The following DTL variants were observed in gnomAD, a reference collection of about 807,000 sequenced individuals.
The protein encoded by DTL is denticleless protein homolog.
A neutral mutation model predicts 87.0 loss-of-function variants in DTL; 46 were observed. The ratio of observed to expected loss-of-function variants is 0.53; its 90% CI spans 0.42 to 0.68. The LOEUF (loss-of-function observed/expected upper bound fraction) is 0.68, where lower values mean the gene tolerates loss of function less well. Among genes scored for constraint, DTL ranks in the 30% least tolerant of loss-of-function variants. The pLI is 0.00. For missense variants in DTL, 737 were observed against 869.4 expected, an observed-to-expected ratio of 0.85 and a Z score of 1.91; for synonymous variants, 308 against 311.2, an observed-to-expected ratio of 0.99 and a Z score of 0.11.
chr1:212,090,991 T>G (rs1655264619), intron 13 of DTL, among the ~76,000 whole-genome samples: 1 of 152,216 alleles, frequency 6.6e-6, no homozygotes, highest in Non-Finnish European at 1.5e-5. Context: ...ACAGTTTATA[T>G]AAGAATGCTA....
intron 1 of DTL, among the ~76,000 whole-genome samples, chr1:212,036,524 CT>C (rs1273805081): frequency 1.3e-5 from 2 of 152,182 alleles, no homozygotes; most frequent in African/African-American, 4.8e-5. Flanking sequence ...GAGATGACCC[CT>C]GTTAATAGAT....
At chr1:212,088,174 G>A (rs528811087) in intron 13 of DTL, among the ~76,000 whole-genome samples, 2 of 152,154 alleles carry the variant, frequency 1.3e-5, no homozygotes, top group African/African-American at 4.8e-5. Context: ...AGAACCTCTG[G>A]TTTAGGCATT....
chr1:212,036,889 A>G (rs1022532713), intron 1 of DTL, among the ~76,000 whole-genome samples: 2 of 152,216 alleles, frequency 1.3e-5, no homozygotes, highest in Non-Finnish European at 2.9e-5. Context: ...GGGAATTTTT[A>G]TATTCAGCGA....
intron 11 of DTL, among the ~76,000 whole-genome samples, chr1:212,076,196 G>C (rs1011183425): frequency 6.6e-6 from 1 of 152,032 alleles, no homozygotes; most frequent in East Asian, 1.9e-4. Flanking sequence ...GTTTAACATA[G>C]GTTTTTAATT....
rs555244498 is a variant in DTL at position 212,051,872 on chromosome 1, C to T, written c.460+4455C>T. The T allele has an allele frequency of 6.8e-5, 58 of 850,004 alleles. 1 individual carries two copies. Among genetic ancestry groups the T allele is most frequent in the African/African-American group, 3.9e-4 (23 of 59,546 alleles). 52.7% of individuals were successfully genotyped at this position (850,004 alleles called of 1,614,324 possible). A position where few individuals can be genotyped will look rare whatever the true frequency, so the allele number is the denominator to read the frequency against. On this transcript the variant is annotated intron_variant, in intron 5 of 14. Transcript: ENST00000366991. ...GGGGCATTCCTTTTTGAACAGTACC[C>T]GTTCCCTTGATGTCTACAATATCAC...
rs563971681 is a variant in DTL at position 212,052,156 on chromosome 1, T to G, written c.460+4739T>G. The G allele has an allele frequency of 2.0e-4, 130 of 636,764 alleles. No homozygotes were observed. In the South Asian group the frequency reaches 2.4e-3, roughly 12 times the overall value. 39.4% of individuals were successfully genotyped at this position (636,764 alleles called of 1,614,324 possible). ...GAACTCTGTGGTTGTTAAAATCATT[T>G]CCCTGTATATAATATGCTGTTTTTC... On this transcript the variant is annotated intron_variant, in intron 5 of 14. Coordinates refer to ENST00000366991, the MANE Select transcript of DTL (RefSeq NM_016448.4).
intron 11 of DTL, chr1:212,077,536 A>G (rs1009091370): frequency 6.5e-6 from 1 of 152,872 alleles, no homozygotes; most frequent in Admixed American, 6.5e-5. Context: ...TGTAAAATAT[A>G]GTTTATACCC....
At chr1:212,059,795 A>AC (rs1668288264) in intron 5 of DTL, among the ~76,000 whole-genome samples, 1 of 151,082 alleles carries the variant, frequency 6.6e-6, no homozygotes, top group African/African-American at 2.4e-5. Flanking sequence ...AAAAAAAAAA[A>AC]AAAAAAAACC....
intron 13 of DTL, among the ~76,000 whole-genome samples, chr1:212,085,430 C>T (rs1049037875): frequency 3.9e-5 from 6 of 152,080 alleles, no homozygotes; most frequent in African/African-American, 1.4e-4. Flanking sequence ...TGCTTATTGG[C>T]CATTTATATA....
chr1:212,058,753 G>A (rs954357410), intron 5 of DTL, among the ~76,000 whole-genome samples: 7 of 151,972 alleles, frequency 4.6e-5, no homozygotes, highest in African/African-American at 1.7e-4. Flanking sequence ...ACAAAAGGTT[G>A]GTTTTTGGAA....
At chr1:212,067,467 CTCTT>C (rs1393806064) in intron 8 of DTL, among the ~76,000 whole-genome samples, 5 of 152,158 alleles carry the variant, frequency 3.3e-5, no homozygotes, top group Admixed American at 6.5e-5. Flanking sequence ...CAAATGGAGA[CTCTT>C]TCTTTTTAAG....
chr1:212,054,810 A>G (rs1349511512), intron 5 of DTL, among the ~76,000 whole-genome samples: 1 of 151,796 alleles, frequency 6.6e-6, no homozygotes, highest in East Asian at 1.9e-4. Context: ...AAAAAAAAAA[A>G]AAAGGAGGAA....
At chr1:212,060,018 A>G (rs1213420424) in intron 5 of DTL, among the ~76,000 whole-genome samples, 1 of 152,170 alleles carries the variant, frequency 6.6e-6, no homozygotes, top group Non-Finnish European at 1.5e-5. Context: ...GATCAAAGAA[A>G]TTGAAGAGGA....
At chr1:212,053,266 A>C (rs1668054411) in intron 5 of DTL, among the ~76,000 whole-genome samples, 1 of 151,786 alleles carries the variant, frequency 6.6e-6, no homozygotes, top group Admixed American at 6.6e-5. Context: ...TCAGTTCTAA[A>C]ATTTTCTTAT....
chr1:212,087,880 T>G (rs1191251415), intron 13 of DTL, among the ~76,000 whole-genome samples: 1 of 152,162 alleles, frequency 6.6e-6, no homozygotes, highest in African/African-American at 2.4e-5. Context: ...GTAAACCCCC[T>G]CAGTTAACAC....
At chr1:212,042,956 C>T (rs1439676665) in intron 1 of DTL, 37 bp from the exon 2 acceptor site, 2 of 1,538,980 alleles carry the variant, frequency 1.3e-6, no homozygotes, top group Non-Finnish European at 8.7e-7. Flanking sequence ...AAATGTGATG[C>T]TGTATTGGAA....
rs1667432981 is a variant in DTL at position 212,035,908 on chromosome 1, G to T, written c.18G>T (p.Val6=). Residue 6 remains valine (V), a synonymous_variant, in exon 1 of 15, where the codon GTG becomes GTT. Transcript: ENST00000366991. MLFNS[V]LRQPQLGVLR... The stretch of plus-strand genomic sequence containing the variant: ...CGACCCTGATGCTCTTCAATTCGGT[G>T]CTCCGCCAGCCCCAGCTTGGCGTCC... 6.2e-7 allele frequency: 1 copy of T among 1,613,988 alleles called. No homozygotes were observed. The highest frequency in any genetic ancestry group is 1.7e-5 in the Admixed American group (1 of 60,010).
intron 7 of DTL, 73 bp from the exon 8 acceptor site, chr1:212,066,739 T>A: frequency 6.9e-7 from 1 of 1,445,416 alleles, no homozygotes; most frequent in Admixed American, 1.8e-5. Flanking sequence ...AGTCGTTTTT[T>A]AGCACCTTGT....
At chr1:212,100,023 G>GTCGATTTTTACAAGTATATATTTTA (rs1197525910) in intron 13 of DTL, among the ~76,000 whole-genome samples, 2 of 152,058 alleles carry the variant, frequency 1.3e-5, no homozygotes, top group African/African-American at 4.8e-5. Flanking sequence ...TCGGTATTTT[G>GTCGATTTTTACAAGTATATATTTTA]TCGATTTTTA....
Sources: gnomAD v4.1 joint callset for allele counts (sites outside exome capture counted in the v4.1 genomes callset) on GRCh38, gnomAD v4.1.1 for gene constraint, MANE v1.5 for transcripts, NCBI Gene and HGNC (gene_info 2026-07-23, HGNC 2026-07-21) for gene names.